Variants in PTRH1 observed in about 807,000 individuals in gnomAD.
The protein encoded by PTRH1 is peptidyl-tRNA hydrolase.
In PTRH1, 13 loss-of-function variants were observed where a neutral mutation model predicts 15.7. That is an observed-to-expected ratio of 0.83 (90% CI 0.54 to 1.31). The LOEUF is 1.31. PTRH1 is among the 40% of genes most tolerant of loss of function. PTRH1 has a pLI of 0.00. For synonymous variants in PTRH1, 139 were observed against 136.7 expected (o/e 1.02, Z -0.12); for missense variants, 319 against 296.2 (o/e 1.08, Z -0.56).
Position 127,714,004 on chromosome 9 carries a change from G to A in PTRH1, c.*96C>T. On this transcript the variant is annotated 3_prime_UTR_variant, in exon 5 of 5. Coordinates refer to ENST00000543175, the MANE Select transcript of PTRH1 (RefSeq NM_001002913.3). Reference sequence around the variant, plus strand: ...GCCTGGAACAGTCTAGAGGAGATTTGTATAAAAAGTAGATACCAAGGCTGG... The same window carrying A: ...GCCTGGAACAGTCTAGAGGAGATTTATATAAAAAGTAGATACCAAGGCTGG... 2 of 1,578,142 alleles carry A rather than the reference G, an allele frequency of 1.3e-6. No individual in the cohort carries two copies. Among genetic ancestry groups the A allele is most frequent in the Non-Finnish European group, 1.7e-6 (2 of 1,149,156 alleles).
At chr9:127,694,289 G>C (rs977421359) in intron 2 of PTRH1, among the ~76,000 whole-genome samples, 1 of 152,104 alleles carries the variant, frequency 6.6e-6, no homozygotes, top group Non-Finnish European at 1.5e-5. Context: ...CGAGATCCAA[G>C]ACTGGAATTT....
chr9:127,695,430 T>C, intron 1 of PTRH1: 1 of 370,002 alleles, frequency 2.7e-6, no homozygotes, highest in Non-Finnish European at 4.8e-6. Context: ...GCTACATGGG[T>C]AAACAGCAAA....
downstream of PTRH1, chr9:127,712,549 T>C (rs1045043283): frequency 6.6e-7 from 1 of 1,523,774 alleles, no homozygotes; most frequent in African/African-American, 1.4e-5. Flanking sequence ...TCTCTGAGGC[T>C]CTGAAAGGTC....
At chr9:127,696,269 G>A (rs1253910477) in intron 1 of PTRH1, among the ~76,000 whole-genome samples, 3 of 152,194 alleles carry the variant, frequency 2.0e-5, no homozygotes, top group Non-Finnish European at 2.9e-5. Context: ...CCAGGAGTTC[G>A]AGGCTGCAGT....
intron 1 of PTRH1, chr9:127,696,039 T>C (rs191150502): frequency 2.0e-5 from 3 of 152,326 alleles, no homozygotes; most frequent in Non-Finnish European, 4.4e-5. Context: ...ATCATTCTGA[T>C]TGTGGTTATA....
At chr9:127,703,737 G>A (rs1354105985) in intron 1 of PTRH1, among the ~76,000 whole-genome samples, 1 of 152,218 alleles carries the variant, frequency 6.6e-6, no homozygotes, top group African/African-American at 2.4e-5. Flanking sequence ...GTACCAGGGG[G>A]TGGCAGCCAC....
downstream of PTRH1, chr9:127,712,853 TCC>T (rs746744439): frequency 8.7e-6 from 14 of 1,612,616 alleles, no homozygotes; most frequent in Non-Finnish European, 8.5e-6. Flanking sequence ...GGAGTCACAG[TCC>T]CATGGCCCAC....
In PTRH1 at chr9:127,714,444, G is replaced by A. The variant is rs370821540; in HGVS notation, c.417-20C>T. The A allele has an allele frequency of 3.3e-5, 54 of 1,613,628 alleles. No homozygotes were observed. Among genetic ancestry groups the A allele is most frequent in the Non-Finnish European group, 4.4e-5 (52 of 1,179,666 alleles). ...TGGCCCCTTCAAGGGATATGGGAGG[G>A]GCAGTTAGTGCCTCCCTGGGGCAGT... On this transcript the variant is annotated intron_variant, in intron 3 of 4. Coordinates refer to ENST00000543175, the MANE Select transcript of PTRH1 (RefSeq NM_001002913.3).
chr9:127,711,254 G>T (rs202146301), downstream of PTRH1: 2 of 1,613,978 alleles, frequency 1.2e-6, no homozygotes, highest in South Asian at 2.2e-5. Context: ...CATCCAGCGC[G>T]TGAACCTCGT....
At chr9:127,700,007 C>G (rs538459534) in intron 1 of PTRH1, among the ~76,000 whole-genome samples, 1 of 152,166 alleles carries the variant, frequency 6.6e-6, no homozygotes, top group Non-Finnish European at 1.5e-5. Flanking sequence ...ACGGTGAAAC[C>G]CCGTCTCTAC....
downstream of PTRH1, chr9:127,711,496 GGTGTGCCTGCAGGCCT>G (rs762224499): frequency 6.2e-7 from 1 of 1,612,604 alleles, no homozygotes; most frequent in Non-Finnish European, 8.5e-7. Context: ...GCCACCAGAA[GGTGTGCCTGCAGGCCT>G]CAGCACAGGG....
downstream of PTRH1, chr9:127,710,873 C>A (rs934088675): frequency 8.8e-7 from 1 of 1,140,168 alleles, no homozygotes; most frequent in Non-Finnish European, 1.2e-6. Context: ...TGACCGCCGC[C>A]CCGACAACCT....
downstream of PTRH1, chr9:127,712,975 C>G: frequency 6.2e-7 from 1 of 1,602,470 alleles, no homozygotes; most frequent in Non-Finnish European, 8.5e-7. Context: ...GGGCCAGAAA[C>G]CTGGCTCGCC....
At chr9:127,707,570 A>G (rs1187917838) in intron 1 of PTRH1, among the ~76,000 whole-genome samples, 1 of 152,144 alleles carries the variant, frequency 6.6e-6, no homozygotes, top group Admixed American at 6.5e-5. Flanking sequence ...ACTTCCTGGC[A>G]GTGGCACCTG....
intron 2 of PTRH1, among the ~76,000 whole-genome samples, chr9:127,694,582 A>C (rs1345734391): frequency 1.3e-5 from 2 of 151,998 alleles, no homozygotes; most frequent in African/African-American, 2.4e-5. Flanking sequence ...ACTGCTAAAA[A>C]GTCTCCAACG....
intron 1 of PTRH1, chr9:127,695,211 A>G: frequency 3.1e-6 from 2 of 635,990 alleles, no homozygotes; most frequent in Non-Finnish European, 5.7e-6. Flanking sequence ...GAGAACAGAT[A>G]AACTGTGTAT....
Position 127,706,905 on chromosome 9 carries a change from G to C in PTRH1, c.205+8530C>G, listed in dbSNP as rs1842654917. The C allele has an allele frequency of 1.5e-5, 17 of 1,158,548 alleles. 1 individual carries two copies. In the South Asian group the frequency reaches 2.1e-4, roughly 15 times the overall value. 71.8% of individuals were successfully genotyped at this position (1,158,548 alleles called of 1,614,324 possible). On this transcript the variant is annotated intron_variant, in intron 1 of 2. Transcript: ENST00000335223. Reference sequence around the variant, plus strand: ...GAGTGGGACCTGGTACCGGCACCCAGCAAGAAGAGGGCAGGGTCCCTTTAA... The same window carrying C: ...GAGTGGGACCTGGTACCGGCACCCACCAAGAAGAGGGCAGGGTCCCTTTAA...
chr9:127,701,370 G>A (rs1842601894), intron 1 of PTRH1, among the ~76,000 whole-genome samples: 1 of 152,142 alleles, frequency 6.6e-6, no homozygotes, highest in Non-Finnish European at 1.5e-5. Flanking sequence ...CAACACACAT[G>A]GGGCCACTCA....
chr9:127,713,414 G>A (rs926003225), downstream of PTRH1: 3 of 498,882 alleles, frequency 6.0e-6, no homozygotes, highest in Admixed American at 7.5e-5. Flanking sequence ...GGGGTTGGCT[G>A]GACCCTGTTC....
Sources: allele counts gnomAD v4.1 joint callset (sites outside exome capture counted in the v4.1 genomes callset), GRCh38; gene constraint gnomAD v4.1.1; transcripts MANE v1.5; gene names NCBI Gene and HGNC (gene_info 2026-07-23, HGNC 2026-07-21).